The following ANO7 variants were observed in gnomAD, a reference collection of about 807,000 sequenced individuals.
ANO7 encodes the protein anoctamin-7.
A neutral mutation model predicts 115.8 loss-of-function variants in ANO7; 114 were observed. The observed-to-expected ratio is 0.98, with a 90% confidence interval of 0.85 to 1.15. The LOEUF (loss-of-function observed/expected upper bound fraction) is 1.15, where lower values mean the gene tolerates loss of function less well. Ranked by LOEUF, ANO7 falls within the 50% of genes most tolerant of loss-of-function variation. The pLI, the probability that ANO7 is intolerant of heterozygous loss-of-function variation, is 0.00. For synonymous variants in ANO7, 550 were observed against 498.2 expected (o/e 1.10, Z -1.38); for missense variants, 1,302 against 1,201.2 (o/e 1.08, Z -1.24).
At chr2:241,216,569 G>A (rs1220590997) in intron 19 of ANO7, among the ~76,000 whole-genome samples, 1 of 152,220 alleles carries the variant, frequency 6.6e-6, no homozygotes. Flanking sequence ...AGGCCCTGGG[G>A]GCTGACAGAA....
At position 241,214,879 on chromosome 2, in the gene ANO7, C is replaced by A. The variant is rs1215964617; in HGVS notation, c.1803C>A (p.Asn601Lys). 11 of 1,612,754 alleles carry A rather than the reference C, an allele frequency of 6.8e-6. No homozygotes were observed. Among genetic ancestry groups the A allele is most frequent in the Non-Finnish European group, 8.5e-6 (10 of 1,179,942 alleles). The change falls in exon 18 of 25, where the codon AAC becomes AAA. Residue 601 changes from asparagine to lysine, a missense_variant. Transcript: ENST00000674324. ...LVIMVGKQVI[N>K]NMQEVLIPKL... Reference sequence around the variant, plus strand: ...TCATGGTGGGCAAGCAGGTCATCAACAACATGCAGGAGGTCCTCATCCCGT... The same window carrying A: ...TCATGGTGGGCAAGCAGGTCATCAAAAACATGCAGGAGGTCCTCATCCCGT...
chr2:241,234,057 TG>T, the ANO7 span: 1 of 1,389,914 alleles, frequency 7.2e-7, no homozygotes, highest in Non-Finnish European at 1.0e-6. Flanking sequence ...ACACTGGAGA[TG>T]CTGCAGTGTT....
At chr2:241,207,486 G>A in intron 10 of ANO7, 88 bp from the exon 11 acceptor site, 2 of 1,006,232 alleles carry the variant, frequency 2.0e-6, no homozygotes, top group South Asian at 2.6e-5. Flanking sequence ...GGACAAGGGA[G>A]AGAGAGGACA....
chr2:241,216,294 G>A (rs891721813), intron 19 of ANO7, 56 bp downstream of exon 19: 147 of 1,497,362 alleles, frequency 9.8e-5, no homozygotes, highest in Non-Finnish European at 1.3e-4. Flanking sequence ...GGGATGGGTG[G>A]CCACTCTGCT....
chr2:241,236,611 A>AT, the ANO7 span: 2 of 1,613,568 alleles, frequency 1.2e-6, no homozygotes, highest in East Asian at 4.5e-5. Context: ...ACATGGACAC[A>AT]TACCTCCAGA....
chr2:241,218,896 G>A (rs538586405), intron 21 of ANO7, among the ~76,000 whole-genome samples: 21 of 152,304 alleles, frequency 1.4e-4, no homozygotes, highest in Non-Finnish European at 2.5e-4. Flanking sequence ...CTCATACAGC[G>A]TCTGGAATTC....
chr2:241,228,126 G>A (rs1013852696), downstream of ANO7: 6 of 152,286 alleles, frequency 3.9e-5, no homozygotes, highest in Admixed American at 1.3e-4. Flanking sequence ...GTGTCAAGGC[G>A]GAAGCGACTG....
At chr2:241,212,052 G>A (rs867156701) in intron 15 of ANO7, 42 bp from the exon 16 acceptor site, 1 of 1,569,070 alleles carries the variant, frequency 6.4e-7, no homozygotes, top group Non-Finnish European at 8.8e-7. Context: ...TTGGATGCTG[G>A]TGACTCCCCC....
chr2:241,231,677 CCTCA>C, the ANO7 span, among the ~76,000 whole-genome samples: 5 of 152,078 alleles, frequency 3.3e-5, no homozygotes, highest in Admixed American at 6.5e-5. Context: ...CGAGCCCCTC[CCTCA>C]CTCAGAGATC....
rs1215339274 is a variant in ANO7 at position 241,202,295 on chromosome 2, C to A, written c.714C>A (p.Pro238=). ...LAEGVLSAAF[P]LHDGPFKTPP... The stretch of plus-strand genomic sequence containing the variant: ...AGGGTGTCCTCAGTGCCGCCTTCCC[C>A]CTGCATGACGTGAGCTCGGGGGCTG... Residue 238 remains proline, a synonymous_variant, in exon 8 of 25, where the codon CCC becomes CCA. Transcript: ENST00000674324. The A allele has an allele frequency of 6.2e-7, 1 of 1,613,052 alleles. No individual in the cohort carries two copies. Among genetic ancestry groups the A allele is most frequent in the South Asian group, 1.1e-5 (1 of 91,082 alleles).
At position 241,210,424 on chromosome 2, in the gene ANO7, C is replaced by A. The variant is rs760058457; in HGVS notation, c.1458+31C>A. On this transcript the variant is annotated intron_variant, in intron 14 of 24. Transcript: ENST00000674324. ...CCTCTGCTGCCTGCCTCGGGGGGCC[C>A]TGAGCGGCCCCTCATCCGGCTCTGA... The A allele has an allele frequency of 1.9e-5, 31 of 1,613,182 alleles. No individual in the cohort carries two copies. The African/African-American group carries it at 3.7e-4, about 19-fold the overall frequency.
In ANO7 at chr2:241,223,351, G is replaced by C. The variant is rs557429528; in HGVS notation, c.2412+75G>C. The C allele has an allele frequency of 6.5e-5, 98 of 1,500,484 alleles. 3 individuals carry two copies. In the South Asian group the frequency reaches 1.1e-3, roughly 17 times the overall value. 92.9% of individuals were successfully genotyped at this position (1,500,484 alleles called of 1,614,324 possible). ...CCTGTGCTTTGCCTAATTCGAGCAC[G>C]TGGTGAGGGGTCGGTGCCGTCACTT... On this transcript the variant is annotated intron_variant, in intron 22 of 24. Transcript: ENST00000674324.
rs1159309297 is a variant in ANO7, at chr2:241,208,819, C to CA, written c.1078-462dup. 2.6e-5 allele frequency among the ~76,000 whole-genome samples: 4 copies of CA among 152,196 alleles called. No individual in the cohort carries two copies. The East Asian group carries it at 7.7e-4, about 29-fold the overall frequency. ...GACCTGGGTGTGAGCCGTCCTGAGG[C>CA]AAAATTCCTCTCCCTCTGTGGGTCT... On this transcript the variant is annotated intron_variant, in intron 11 of 24. Transcript: ENST00000674324.
At position 241,218,282 on chromosome 2, in the gene ANO7, AC is replaced by A; in HGVS notation, c.2223del (p.Tyr742ThrfsTer88). ...TCGTCCGACTTCCTGCCGCGCGCCT[AC>A]TACCGGTGGACCCGCGCCCACGACC... Reference protein sequence around the residue: ...AFSSDFLPRAYYRWTRAHDLR... With the variant: ...AFSSDFLPRAXYRWTRAHDLR... On this transcript the variant is annotated frameshift_variant, in exon 21 of 25. Transcript: ENST00000674324. LOFTEE classifies it high-confidence loss of function. 1 of 1,534,634 alleles carries A rather than the reference AC, an allele frequency of 6.5e-7. No individual in the cohort carries two copies. The highest frequency in any genetic ancestry group is 1.2e-5 in the South Asian group (1 of 85,044).
At chr2:241,211,279 T>C (rs1381754840) in intron 15 of ANO7, among the ~76,000 whole-genome samples, 1 of 152,122 alleles carries the variant, frequency 6.6e-6, no homozygotes, top group Non-Finnish European at 1.5e-5. Flanking sequence ...TATCGGCTGC[T>C]GGGCTGGGCA....
chr2:241,215,985 C>T, intron 18 of ANO7, 108 bp from the exon 19 acceptor site: 1 of 1,397,094 alleles, frequency 7.2e-7, no homozygotes, highest in Non-Finnish European at 9.7e-7. Context: ...TGCTGCCCTT[C>T]AATTGCAAAG....
rs749334124 is a variant in ANO7, at chr2:241,212,230, C to A, written c.1673+25C>A. On this transcript the variant is annotated intron_variant, in intron 16 of 24. Coordinates refer to ENST00000674324, the MANE Select transcript of ANO7 (RefSeq NM_001370694.2). ...GGTTGGTGGGCACCTCTCCCTCTGG[C>A]CACAGCTTGTCCCGGCTTAGTTCTG... is the stretch of plus-strand genomic sequence containing the variant. 22 of 1,573,420 alleles carry A rather than the reference C, an allele frequency of 1.4e-5. No homozygotes were observed. The South Asian group carries it at 2.3e-4, about 17-fold the overall frequency.
At chr2:241,238,553 G>A in the ANO7 span, 2 of 988,484 alleles carry the variant, frequency 2.0e-6, no homozygotes, top group Non-Finnish European at 2.9e-6. The surrounding 1 kb of genome is among the most constrained non-coding windows in gnomAD (Gnocchi z 4.9). Context: ...TTCCAGCAGA[G>A]ACAGGAAAGA....
In ANO7 at chr2:241,224,145, C is replaced by A. The variant is rs756569776; in HGVS notation, c.2632C>A (p.Gln878Lys). Reference sequence around the variant, plus strand: ...CACGGTTCCCAAGGCCAGCCAGCTGCAGCAGTGACGCCTGGAAGGACATCT... The same window carrying A: ...CACGGTTCCCAAGGCCAGCCAGCTGAAGCAGTGACGCCTGGAAGGACATCT... ...PFTVPKASQL[Q>K]Q Residue 878 changes from glutamine (Q) to lysine (K), a missense_variant, in exon 25 of 25, where the codon CAG becomes AAG. Gln to Lys is a moderately conservative substitution (Grantham distance 53). Transcript: ENST00000674324. The A allele has an allele frequency of 1.9e-6, 3 of 1,599,754 alleles. No homozygotes were observed. The South Asian group carries it at 3.3e-5, about 18-fold the overall frequency.
Sources: allele counts gnomAD v4.1 joint callset (sites outside exome capture counted in the v4.1 genomes callset), GRCh38; gene constraint gnomAD v4.1.1; non-coding constraint Gnocchi (gnomAD v3.1); transcripts MANE v1.5; gene names NCBI Gene and HGNC (gene_info 2026-07-23, HGNC 2026-07-21).